Variants in FAM184A observed in about 807,000 individuals in gnomAD.
FAM184A encodes protein FAM184A.
FAM184A carries 99 observed loss-of-function variants against 143.8 expected under a neutral mutation model. That is an observed-to-expected ratio of 0.69 (90% confidence interval 0.58 to 0.81). FAM184A has a LOEUF of 0.81. FAM184A is among the 40% of genes least tolerant of loss of function. FAM184A has a pLI of 0.00. For synonymous variants in FAM184A, 427 were observed against 446.4 expected (o/e 0.96, Z 0.55); for missense variants, 1,217 against 1,310.5 (o/e 0.93, Z 1.10).
At chr6:119,108,198 T>A (rs971376138) in intron 1 of FAM184A, among the ~76,000 whole-genome samples, 1 of 151,418 alleles carries the variant, frequency 6.6e-6, no homozygotes, top group African/African-American at 2.4e-5. Flanking sequence ...TTTTCTTCCT[T>A]GTTTGTAGTA....
intron 1 of FAM184A, among the ~76,000 whole-genome samples, chr6:119,128,037 G>A (rs182633633): frequency 1.3e-5 from 2 of 152,290 alleles, no homozygotes; most frequent in African/African-American, 4.8e-5. Flanking sequence ...GAAGGTGGAG[G>A]TAGAGTAGCC....
At chr6:119,040,517 T>A (rs1286955204) in intron 1 of FAM184A, among the ~76,000 whole-genome samples, 1 of 152,178 alleles carries the variant, frequency 6.6e-6, no homozygotes, top group Non-Finnish European at 1.5e-5. Flanking sequence ...GGCAGGGACT[T>A]TAGGGTCTGT....
upstream of FAM184A, among the ~76,000 whole-genome samples, chr6:119,083,483 T>C (rs1462468425): frequency 6.6e-6 from 1 of 152,224 alleles, no homozygotes; most frequent in Non-Finnish European, 1.5e-5. Flanking sequence ...TTTTTGTGAA[T>C]GCATATGACT....
intron 9 of FAM184A, among the ~76,000 whole-genome samples, chr6:119,001,380 C>A (rs1784752091): frequency 6.6e-6 from 1 of 151,638 alleles, no homozygotes; most frequent in African/African-American, 2.4e-5. Flanking sequence ...CCTTTGGAAC[C>A]AATTAATTCC....
intron 1 of FAM184A, among the ~76,000 whole-genome samples, chr6:119,124,506 A>G (rs182948358): frequency 1.3e-4 from 20 of 152,312 alleles, no homozygotes; most frequent in African/African-American, 2.6e-4. Context: ...ACATTTATTT[A>G]TAAAATTTTA....
rs182268352 is a variant in FAM184A at position 119,006,273 on chromosome 6, G to A, written c.1815+174C>T. 134 of 754,858 alleles carry A rather than the reference G, an allele frequency of 1.8e-4. 1 individual carries two copies. The East Asian group carries it at 3.2e-3, about 18-fold the overall frequency. The allele number at this position is 754,858 out of a possible 1,614,324, so 46.8% of individuals were successfully genotyped here. On this transcript the variant is annotated intron_variant, in intron 7 of 17. Coordinates refer to ENST00000338891, the MANE Select transcript of FAM184A (RefSeq NM_024581.6). Reference sequence around the variant, plus strand: ...GGACTTCTAGCCTCCAGAGCTATGAGAGAATAAATTTCTGTTGTTTTAAAT... The same window carrying A: ...GGACTTCTAGCCTCCAGAGCTATGAAAGAATAAATTTCTGTTGTTTTAAAT...
intron 9 of FAM184A, among the ~76,000 whole-genome samples, chr6:118,984,159 A>G (rs894428096): frequency 1.8e-5 from 2 of 110,122 alleles, no homozygotes; most frequent in Admixed American, 2.0e-4. Flanking sequence ...TAAAAAAAAA[A>G]TATATATATA....
At chr6:119,145,027 C>CT (rs1366451856) in intron 1 of FAM184A, among the ~76,000 whole-genome samples, 4 of 152,224 alleles carry the variant, frequency 2.6e-5, no homozygotes, top group Non-Finnish European at 5.9e-5. Flanking sequence ...GGTCCACTCT[C>CT]CACCCTTCTC....
chr6:119,040,916 C>G (rs1307232009), intron 1 of FAM184A, among the ~76,000 whole-genome samples: 1 of 152,098 alleles, frequency 6.6e-6, no homozygotes, highest in Non-Finnish European at 1.5e-5. Flanking sequence ...AACTTTTGTT[C>G]CAGAAGGTGA....
At chr6:118,969,538 T>C (rs1472741269) in intron 14 of FAM184A, among the ~76,000 whole-genome samples, 3 of 152,186 alleles carry the variant, frequency 2.0e-5, no homozygotes, top group African/African-American at 7.2e-5. Context: ...TATTCCGATA[T>C]CCATTTCAAG....
chr6:118,980,904 A>T (rs1261412740), intron 9 of FAM184A, among the ~76,000 whole-genome samples: 1 of 152,208 alleles, frequency 6.6e-6, no homozygotes, highest in Non-Finnish European at 1.5e-5. Flanking sequence ...ATTATTTGAG[A>T]ATTAAAAACC....
At position 119,060,711 on chromosome 6, in the gene FAM184A, TCC is replaced by T. The variant is rs918860767; in HGVS notation, c.159+17428_159+17429del. On this transcript the variant is annotated intron_variant, in intron 1 of 17. Transcript: ENST00000338891. ...GGTGGTTTCTAATGGTTTAGCACCATCCCCCTCTTGGTACTGAATAGTGAGTT... is the reference window on the plus strand; with the variant it reads ...GGTGGTTTCTAATGGTTTAGCACCATCCCTCTTGGTACTGAATAGTGAGTT... Among the ~76,000 whole-genome samples, 24 of 152,090 alleles carry T rather than the reference TCC, an allele frequency of 1.6e-4. 1 individual carries two copies. The highest frequency in any genetic ancestry group is 2.0e-4 in the Admixed American group (3 of 15,268).
chr6:119,008,583 A>C (rs1415304530), intron 6 of FAM184A, among the ~76,000 whole-genome samples: 1 of 152,142 alleles, frequency 6.6e-6, no homozygotes, highest in Non-Finnish European at 1.5e-5. Flanking sequence ...TGAGTCAATA[A>C]ATTTTTTTTT....
intron 1 of FAM184A, among the ~76,000 whole-genome samples, chr6:119,027,378 C>T (rs1785670887): frequency 6.6e-6 from 1 of 152,192 alleles, no homozygotes; most frequent in Non-Finnish European, 1.5e-5. Context: ...ACCTGTCTCA[C>T]ATACTTTTTG....
intron 1 of FAM184A, among the ~76,000 whole-genome samples, chr6:119,040,867 C>T (rs1262212126): frequency 6.6e-6 from 1 of 152,138 alleles, no homozygotes; most frequent in Non-Finnish European, 1.5e-5. Context: ...AATTCTTACC[C>T]CAAGCCGCAA....
At chr6:119,056,950 T>C (rs1276990569) in intron 1 of FAM184A, among the ~76,000 whole-genome samples, 1 of 152,236 alleles carries the variant, frequency 6.6e-6, no homozygotes, top group Non-Finnish European at 1.5e-5. Flanking sequence ...TTAATCATAT[T>C]GAGAAATTTA....
chr6:119,103,594 C>T (rs1252924319), intron 1 of FAM184A, among the ~76,000 whole-genome samples: 2 of 152,138 alleles, frequency 1.3e-5, no homozygotes, highest in Non-Finnish European at 2.9e-5. Flanking sequence ...GGAACCACAT[C>T]TATGTTTTTC....
chr6:119,108,425 G>A (rs182582578), intron 1 of FAM184A, among the ~76,000 whole-genome samples: 28 of 152,056 alleles, frequency 1.8e-4, no homozygotes, highest in African/African-American at 6.0e-4. Flanking sequence ...CTGCACTTTA[G>A]TTTGCTTCCT....
chr6:119,030,078 C>T (rs1785811797), intron 1 of FAM184A, among the ~76,000 whole-genome samples: 1 of 152,100 alleles, frequency 6.6e-6, no homozygotes, highest in South Asian at 2.1e-4. Flanking sequence ...ACCACTCATA[C>T]ACTGAGAAAA....
Sources: allele counts gnomAD v4.1 joint callset (sites outside exome capture counted in the v4.1 genomes callset), GRCh38; gene constraint gnomAD v4.1.1; transcripts MANE v1.5; gene names NCBI Gene and HGNC (gene_info 2026-07-23, HGNC 2026-07-21).